Variants in FMN2 observed in about 807,000 individuals in gnomAD.
FMN2 encodes formin-2.
Under a neutral mutation model 142.3 loss-of-function variants are expected in FMN2, and 51 were observed. That is an observed-to-expected ratio of 0.36 (90% CI 0.29 to 0.45). The LOEUF (loss-of-function observed/expected upper bound fraction) is 0.45. Among genes scored for constraint, FMN2 ranks in the 20% least tolerant of loss-of-function variants. FMN2 has a pLI of 1.00. For missense variants in FMN2, 1,936 were observed against 2,122.8 expected, an observed-to-expected ratio of 0.91 and a Z score of 1.73; for synonymous variants, 882 against 869.8, an observed-to-expected ratio of 1.01 and a Z score of -0.25.
intron 14 of FMN2, among the ~76,000 whole-genome samples, chr1:240,388,197 AAGAC>A (rs1414354608): frequency 7.1e-6 from 1 of 141,664 alleles, no homozygotes; most frequent in Non-Finnish European, 1.6e-5. Flanking sequence ...AAAAAAAAAA[AAGAC>A]TAGGAAAAAA....
chr1:240,388,523 G>A (rs1673489684), intron 14 of FMN2, among the ~76,000 whole-genome samples: 2 of 151,982 alleles, frequency 1.3e-5, no homozygotes, highest in Non-Finnish European at 2.9e-5. Context: ...TATGGTCCGA[G>A]GTGGAGGAGA....
At chr1:240,103,615 A>G (rs1253505125) in intron 1 of FMN2, among the ~76,000 whole-genome samples, 2 of 152,044 alleles carry the variant, frequency 1.3e-5, no homozygotes, top group African/African-American at 2.4e-5. Flanking sequence ...TTTCCTAAGT[A>G]TCTCTTTAAA....
chr1:240,171,150 T>A (rs1664687031), intron 2 of FMN2: 1 of 1,060,516 alleles, frequency 9.4e-7, no homozygotes, highest in Admixed American at 1.7e-5. Context: ...GTGTAGAAAG[T>A]GTCCCAAAGT....
intron 15 of FMN2, among the ~76,000 whole-genome samples, chr1:240,419,191 CT>C (rs1674681852): frequency 6.6e-6 from 1 of 152,212 alleles, no homozygotes; most frequent in Non-Finnish European, 1.5e-5. Context: ...CATTTTTACC[CT>C]GTGTATTTTC....
chr1:240,406,362 CGAAGGGAAGCAGCCTCGGGAGTG>C (rs1674199555), intron 15 of FMN2, among the ~76,000 whole-genome samples: 1 of 128,282 alleles, frequency 7.8e-6, no homozygotes, highest in Non-Finnish European at 1.7e-5. Context: ...GTGGGGGGAG[CGAAGGGAAGCAGCCTCGGGAGTG>C]GGGGAATGGG....
chr1:240,301,458 T>C (rs954662327), intron 8 of FMN2, among the ~76,000 whole-genome samples: 32 of 151,928 alleles, frequency 2.1e-4, no homozygotes, highest in Non-Finnish European at 2.9e-4. Context: ...AGCTCTTCCT[T>C]TGTTAAGACC....
chr1:240,469,206 C>G (rs1407316414), intron 16 of FMN2, among the ~76,000 whole-genome samples: 1 of 152,104 alleles, frequency 6.6e-6, no homozygotes, highest in Non-Finnish European at 1.5e-5. Context: ...CCTTACAGGC[C>G]ACCTACACCA....
chr1:240,301,546 C>G (rs1670197260), intron 8 of FMN2, among the ~76,000 whole-genome samples: 2 of 151,788 alleles, frequency 1.3e-5, no homozygotes, highest in Admixed American at 1.3e-4. Flanking sequence ...GAAAACACAT[C>G]TTTTCAGTGA....
At position 240,448,441 on chromosome 1, in the gene FMN2, C is replaced by A. The variant is rs141841755; in HGVS notation, c.5060+10231C>A. ...GTGAATAAACTTTTTCAAATCTAATCTCCATGGGAAGAGTCCTATTATTCA... is the reference window on the plus strand; with the variant it reads ...GTGAATAAACTTTTTCAAATCTAATATCCATGGGAAGAGTCCTATTATTCA... On this transcript the variant is annotated intron_variant, in intron 16 of 17. Transcript: ENST00000319653. Among the ~76,000 whole-genome samples, 1,134 of 152,276 alleles carry A rather than the reference C, an allele frequency of 7.4e-3. 13 individuals are homozygous for A. The highest frequency in any genetic ancestry group is 0.025 in the African/African-American group (1,058 of 41,540).
intron 15 of FMN2, among the ~76,000 whole-genome samples, chr1:240,427,427 C>A (rs1034100620): frequency 6.6e-6 from 1 of 151,782 alleles, no homozygotes; most frequent in African/African-American, 2.4e-5. Context: ...GGATGGTCTC[C>A]ATCTCCTGAC....
intron 8 of FMN2, among the ~76,000 whole-genome samples, chr1:240,315,643 G>A (rs1465507380): frequency 6.6e-6 from 1 of 152,056 alleles, no homozygotes; most frequent in Non-Finnish European, 1.5e-5. Flanking sequence ...ACAACTTTAG[G>A]TTGCTATGGT....
intron 6 of FMN2, among the ~76,000 whole-genome samples, chr1:240,237,242 GCGGATAATTAACAGGTATAGT>G (rs759696910): frequency 2.0e-5 from 3 of 152,132 alleles, no homozygotes; most frequent in Non-Finnish European, 4.4e-5. Flanking sequence ...TGGTTCTTGT[GCGGATAATTAACAGGTATAGT>G]CGGATAAGTT....
intron 2 of FMN2, among the ~76,000 whole-genome samples, chr1:240,138,280 G>A (rs979873073): frequency 2.0e-5 from 3 of 151,926 alleles, no homozygotes; most frequent in Non-Finnish European, 4.4e-5. Context: ...AGGGACTGAG[G>A]GGTGTGCTGT....
At chr1:240,334,507 C>T (rs1445687562) in intron 13 of FMN2, among the ~76,000 whole-genome samples, 1 of 151,996 alleles carries the variant, frequency 6.6e-6, no homozygotes, top group African/African-American at 2.4e-5. Context: ...ATTTTATAAC[C>T]AAGAACATTT....
chr1:240,105,217 T>C (rs1220806852), intron 1 of FMN2, among the ~76,000 whole-genome samples: 1 of 145,024 alleles, frequency 6.9e-6, no homozygotes, highest in Admixed American at 7.2e-5. Flanking sequence ...CAAGTGATCC[T>C]CCTACCTCAG....
chr1:240,213,130 G>A (rs950839850), intron 6 of FMN2, among the ~76,000 whole-genome samples: 2 of 152,130 alleles, frequency 1.3e-5, no homozygotes, highest in African/African-American at 4.8e-5. Context: ...TTGGCATGAA[G>A]GGGTCTCAGC....
At chr1:240,154,661 T>G (rs1320478692) in intron 2 of FMN2, 1 of 152,156 alleles carries the variant, frequency 6.6e-6, no homozygotes, top group African/African-American at 2.4e-5. Flanking sequence ...TAAAGGCTAG[T>G]CAAGTGTAGT....
chr1:240,122,175 C>A (rs987068364), intron 1 of FMN2, among the ~76,000 whole-genome samples: 1 of 152,056 alleles, frequency 6.6e-6, no homozygotes, highest in African/African-American at 2.4e-5. Flanking sequence ...GCAACCTCTG[C>A]CTCCTGGGTT....
intron 15 of FMN2, among the ~76,000 whole-genome samples, chr1:240,428,537 A>G (rs1572298095): frequency 6.6e-6 from 1 of 152,140 alleles, no homozygotes; most frequent in African/African-American, 2.4e-5. Context: ...AAAATGTTCC[A>G]TCTTTAAGTT....
Sources: allele counts gnomAD v4.1 joint callset (sites outside exome capture counted in the v4.1 genomes callset), GRCh38; gene constraint gnomAD v4.1.1; transcripts MANE v1.5; gene names NCBI Gene and HGNC (gene_info 2026-07-23, HGNC 2026-07-21).